SUCLG2: variants seen among roughly 807,000 people sequenced by gnomAD.
SUCLG2 encodes succinate-CoA ligase GDP-forming subunit beta.
In SUCLG2, 42 loss-of-function variants were observed where a neutral mutation model predicts 47.9. The observed-to-expected ratio is 0.88, with a 90% confidence interval of 0.69 to 1.14. SUCLG2 has a LOEUF of 1.14. SUCLG2 is among the 50% of genes most tolerant of loss of function. SUCLG2 has a pLI of 0.00. For synonymous variants in SUCLG2, 195 were observed against 197.3 expected (o/e 0.99, Z 0.10); for missense variants, 571 against 525.9 (o/e 1.09, Z -0.84).
chr3:67,528,146 C>A lies in SUCLG2; in HGVS notation c.403G>T (p.Val135Leu). The A allele has an allele frequency of 6.2e-7, 1 of 1,613,804 alleles. No individual in the cohort carries two copies. Among genetic ancestry groups the A allele is most frequent in the Non-Finnish European group, 8.5e-7 (1 of 1,179,828 alleles). The change falls in exon 4 of 11, where the codon GTG becomes TTG. Residue 135 changes from valine to leucine, a missense_variant. Coordinates refer to ENST00000307227, the MANE Select transcript of SUCLG2 (RefSeq NM_003848.4). Reference sequence around the variant, plus strand: ...ATCCATATTACCTTGTTAACTTTCACACCTTCTTTTGGAGTTTGTTTTGTC... The same window carrying A: ...ATCCATATTACCTTGTTAACTTTCAAACCTTCTTTTGGAGTTTGTTTTGTC... Reference protein sequence around the residue: ...LATKQTPKEGVKVNKVMVAEA... With the variant: ...LATKQTPKEGLKVNKVMVAEA...
chr3:67,468,520 T>C (rs974652824), intron 9 of SUCLG2, among the ~76,000 whole-genome samples: 4 of 152,150 alleles, frequency 2.6e-5, no homozygotes, highest in Non-Finnish European at 4.4e-5. Context: ...CCATTCACTA[T>C]ATATGATCAC....
chr3:67,636,204 A>G (rs1701006449), intron 1 of SUCLG2, among the ~76,000 whole-genome samples: 1 of 152,164 alleles, frequency 6.6e-6, no homozygotes, highest in African/African-American at 2.4e-5. Context: ...TGGCCAAAGA[A>G]TAAGTCCAGG....
At chr3:67,467,372 G>T (rs1704500584) in intron 9 of SUCLG2, among the ~76,000 whole-genome samples, 1 of 152,184 alleles carries the variant, frequency 6.6e-6, no homozygotes, top group African/African-American at 2.4e-5. Flanking sequence ...TTTGGTCAAA[G>T]CACACGTCAT....
At chr3:67,495,574 C>T (rs1166037748) in intron 9 of SUCLG2, among the ~76,000 whole-genome samples, 1 of 151,650 alleles carries the variant, frequency 6.6e-6, no homozygotes, top group East Asian at 1.9e-4. Flanking sequence ...ATCGCTTGAA[C>T]CCAGGAGACG....
intron 2 of SUCLG2, among the ~76,000 whole-genome samples, chr3:67,596,299 C>T (rs1016120478): frequency 1.3e-5 from 2 of 152,148 alleles, no homozygotes; most frequent in Non-Finnish European, 2.9e-5. Flanking sequence ...ACAGTTATTA[C>T]TTCTCTGTTT....
intron 9 of SUCLG2, among the ~76,000 whole-genome samples, chr3:67,476,695 G>C (rs1052447670): frequency 2.0e-5 from 3 of 152,046 alleles, no homozygotes; most frequent in Non-Finnish European, 4.4e-5. Context: ...AAATGGTTGG[G>C]AACTAATAAT....
chr3:67,644,048 C>A (rs1335459322), intron 1 of SUCLG2, among the ~76,000 whole-genome samples: 1 of 152,172 alleles, frequency 6.6e-6, no homozygotes, highest in Non-Finnish European at 1.5e-5. Context: ...ACAACAGAAA[C>A]ATTATCAGGA....
chr3:67,573,725 T>TG (rs1707675171), intron 2 of SUCLG2, among the ~76,000 whole-genome samples: 2 of 152,174 alleles, frequency 1.3e-5, no homozygotes, highest in South Asian at 2.1e-4. Context: ...TCAAACGGCC[T>TG]GGTGGGAAGC....
intron 9 of SUCLG2, among the ~76,000 whole-genome samples, chr3:67,401,209 T>C (rs1702677276): frequency 6.6e-6 from 1 of 152,208 alleles, no homozygotes; most frequent in Non-Finnish European, 1.5e-5. Flanking sequence ...TTTAGGTTTT[T>C]TTCCTCCACG....
At chr3:67,635,755 CCT>C (rs1700999667) in intron 1 of SUCLG2, among the ~76,000 whole-genome samples, 1 of 152,092 alleles carries the variant, frequency 6.6e-6, no homozygotes, top group Non-Finnish European at 1.5e-5. Flanking sequence ...ACCATTGCAC[CCT>C]GTCATCAAGA....
chr3:67,367,897 A>G (rs1269772051), intron 10 of SUCLG2, among the ~76,000 whole-genome samples: 1 of 152,204 alleles, frequency 6.6e-6, no homozygotes, highest in Non-Finnish European at 1.5e-5. Context: ...TATATGGAAT[A>G]TATATAAACA....
chr3:67,563,108 T>A (rs1707351954), intron 2 of SUCLG2, among the ~76,000 whole-genome samples: 1 of 149,314 alleles, frequency 6.7e-6, no homozygotes. Flanking sequence ...TAATATATAA[T>A]ACATATATAC....
At chr3:67,400,951 G>A (rs185276046) in intron 9 of SUCLG2, 100 bp from the exon 10 acceptor site, 18 of 1,514,580 alleles carry the variant, frequency 1.2e-5, no homozygotes, top group South Asian at 3.8e-5. Context: ...AAGACTGCTC[G>A]TTTTTTTGTT....
chr3:67,493,504 G>A (rs1256588810), intron 9 of SUCLG2, among the ~76,000 whole-genome samples: 2 of 152,086 alleles, frequency 1.3e-5, no homozygotes, highest in Non-Finnish European at 2.9e-5. Context: ...GGCTCTGACA[G>A]TAATTTTTCC....
At chr3:67,433,997 T>C (rs989317127) in intron 9 of SUCLG2, among the ~76,000 whole-genome samples, 16 of 152,044 alleles carry the variant, frequency 1.1e-4, no homozygotes, top group Non-Finnish European at 1.0e-4. Flanking sequence ...TGAGGGCAAA[T>C]CCAAGAGGCC....
intron 9 of SUCLG2, among the ~76,000 whole-genome samples, chr3:67,430,183 T>C (rs976421691): frequency 2.0e-4 from 30 of 152,160 alleles, no homozygotes; most frequent in African/African-American, 6.3e-4. Flanking sequence ...TATTCCAAAA[T>C]TGACCACAGA....
intron 2 of SUCLG2, among the ~76,000 whole-genome samples, chr3:67,587,471 A>C (rs1309704690): frequency 6.6e-6 from 1 of 152,232 alleles, no homozygotes; most frequent in Admixed American, 6.5e-5. Context: ...AGCCTGGCTA[A>C]TTCAGTGAAA....
intron 1 of SUCLG2, among the ~76,000 whole-genome samples, chr3:67,617,873 T>C (rs1700658211): frequency 6.6e-6 from 1 of 152,204 alleles, no homozygotes; most frequent in Non-Finnish European, 1.5e-5. Context: ...TCCAGAAATA[T>C]AAAAGAGGAG....
At chr3:67,645,138 C>A (rs1371796021) in intron 1 of SUCLG2, among the ~76,000 whole-genome samples, 1 of 152,106 alleles carries the variant, frequency 6.6e-6, no homozygotes, top group Non-Finnish European at 1.5e-5. Flanking sequence ...GGCCCTTTAA[C>A]ATAAAGAAAA....
Sources: gnomAD v4.1 joint callset for allele counts (sites outside exome capture counted in the v4.1 genomes callset) on GRCh38, gnomAD v4.1.1 for gene constraint, MANE v1.5 for transcripts, NCBI Gene and HGNC (gene_info 2026-07-23, HGNC 2026-07-21) for gene names.